Variants in ALDH3A2 observed in about 807,000 individuals in gnomAD.
ALDH3A2 encodes aldehyde dehydrogenase family 3 member A2.
ALDH3A2 carries 36 observed loss-of-function variants against 51.3 expected under a neutral mutation model. The ratio of observed to expected loss-of-function variants is 0.70; its 90% CI spans 0.54 to 0.93. The LOEUF is 0.93. ALDH3A2 is among the 40% of genes least tolerant of loss of function. The pLI, the probability that ALDH3A2 is intolerant of heterozygous loss-of-function variation, is 0.00. For missense variants in ALDH3A2, 552 were observed against 603.1 expected (o/e 0.92, Z 0.89); for synonymous variants, 199 against 219.8 (o/e 0.91, Z 0.84).
In ALDH3A2 at chr17:19,661,227, T is replaced by C; in HGVS notation, c.899T>C (p.Ile300Thr). ...CTAAGTTTGCTTGAAGGACAAAAGA[T>C]AGCTTTTGGTGGGGAGACTGATGAG... is the stretch of plus-strand genomic sequence containing the variant. ...RILSLLEGQK[I>T]AFGGETDEAT... Residue 300 changes from isoleucine (I) to threonine (T), a missense_variant, in exon 6 of 10, where the codon ATA (isoleucine) becomes ACA (threonine). Coordinates refer to ENST00000176643, the MANE Select transcript of ALDH3A2 (RefSeq NM_000382.3). 1 of 1,614,184 alleles carries C rather than the reference T, an allele frequency of 6.2e-7. No homozygotes were observed. Among genetic ancestry groups the C allele is most frequent in the African/African-American group, 1.3e-5 (1 of 75,052 alleles).
In ALDH3A2 at chr17:19,664,071, A is replaced by G. The variant is rs371230092; in HGVS notation, c.1107+572A>G. 1.7e-4 allele frequency among the ~76,000 whole-genome samples: 26 copies of G among 152,308 alleles called. No homozygotes were observed. In the East Asian group the frequency reaches 4.6e-3, roughly 27 times the overall value. On this transcript the variant is annotated intron_variant, in intron 7 of 9. Coordinates refer to ENST00000176643, the MANE Select transcript of ALDH3A2 (RefSeq NM_000382.3). Reference sequence around the variant, plus strand: ...GCCGCTACTAAGAGACCATGGCCCAAATGTTTTCTGGAGAGCTTCTGATGG... The same window carrying G: ...GCCGCTACTAAGAGACCATGGCCCAGATGTTTTCTGGAGAGCTTCTGATGG...
intron 8 of ALDH3A2, among the ~76,000 whole-genome samples, chr17:19,667,779 A>AC (rs2085059183): frequency 6.6e-6 from 1 of 152,116 alleles, no homozygotes; most frequent in East Asian, 1.9e-4. Flanking sequence ...GCCTGGTCTC[A>AC]AACTCCTGGG....
rs1209220960 is a variant in ALDH3A2, at chr17:19,654,322, G to A, written c.471+1690G>A. Among the ~76,000 whole-genome samples, 1 of 152,264 alleles carries A rather than the reference G, an allele frequency of 6.6e-6. No homozygotes were observed. On this transcript the variant is annotated intron_variant, in intron 3 of 9. Coordinates refer to ENST00000176643, the MANE Select transcript of ALDH3A2 (RefSeq NM_000382.3). This position sits in a 1 kb window ranked among gnomAD's most constrained non-coding sequence, Gnocchi z 4.5. ...CAGCGCTGCGCGCCTGCACCCCTCA[G>A]CCCTTGGGCGGTCGATGGGACTGGG...
At chr17:19,649,304 T>C (rs1013258056) in intron 1 of ALDH3A2, 180 bp downstream of exon 1, 3 of 757,222 alleles carry the variant, frequency 4.0e-6, no homozygotes, top group Non-Finnish European at 6.2e-6. Flanking sequence ...CCTCTAGCAC[T>C]CAGAAGGGCA....
At chr17:19,669,229 G>A (rs145421296) in intron 8 of ALDH3A2, among the ~76,000 whole-genome samples, 106 of 152,152 alleles carry the variant, frequency 7.0e-4, no homozygotes, top group African/African-American at 2.5e-3. Flanking sequence ...CTTGAACCTG[G>A]GAGGCGGAGG....
At chr17:19,662,701 G>A (rs1160311366) in intron 6 of ALDH3A2, among the ~76,000 whole-genome samples, 2 of 152,132 alleles carry the variant, frequency 1.3e-5, no homozygotes, top group Non-Finnish European at 2.9e-5. Context: ...TTATAATAAA[G>A]GTTAATGAGA....
At chr17:19,651,898 C>T (rs754356772) in intron 2 of ALDH3A2, 120 bp downstream of exon 2, 311 of 905,002 alleles carry the variant, frequency 3.4e-4, no homozygotes, top group Non-Finnish European at 4.9e-4. Context: ...TTTGTTTACA[C>T]CACCAGTGTA....
chr17:19,663,578 A>C (rs2084997439), intron 7 of ALDH3A2, 79 bp downstream of exon 7: 3 of 1,495,802 alleles, frequency 2.0e-6, no homozygotes, highest in Non-Finnish European at 2.8e-6. Flanking sequence ...AAACAATGCA[A>C]AAAACAATGT....
At chr17:19,673,317 A>G in intron 9 of ALDH3A2, 3 of 1,605,750 alleles carry the variant, frequency 1.9e-6, no homozygotes, top group South Asian at 1.1e-5. Flanking sequence ...AGGTGGGCCA[A>G]GTTGGGGTAT....
rs141512913 is a variant in ALDH3A2 at position 19,674,601 on chromosome 17, G to A, written c.1444-957G>A. On this transcript the variant is annotated intron_variant, in intron 9 of 9. Coordinates refer to ENST00000176643, the MANE Select transcript of ALDH3A2 (RefSeq NM_000382.3). ...GCTTGCTCATCTACAGGGTGAGGGA[G>A]TAGGTGTCAGTGATTCCCCAGGCCA... is the stretch of plus-strand genomic sequence containing the variant. 5.3e-5 allele frequency: 8 copies of A among 152,318 alleles called. No individual in the cohort carries two copies. The East Asian group carries it at 1.5e-3, about 29-fold the overall frequency. 9.4% of individuals were successfully genotyped at this position (152,318 alleles called of 1,614,324 possible). A position where few individuals can be genotyped will look rare whatever the true frequency, so the allele number is the denominator to read the frequency against.
At chr17:19,675,411 A>G in intron 9 of ALDH3A2, 147 bp from the exon 10 acceptor site, 1 of 819,246 alleles carries the variant, frequency 1.2e-6, no homozygotes, top group Admixed American at 2.0e-5. Context: ...CTTCCTAGGG[A>G]TATGTAGTCC....
At chr17:19,659,592 C>G (rs1488105580) in intron 5 of ALDH3A2, 6 of 152,362 alleles carry the variant, frequency 3.9e-5, no homozygotes, top group South Asian at 2.1e-4. Context: ...CTCCTGTAAT[C>G]CCAGCACTTT....
rs931011170 is a variant in ALDH3A2, at chr17:19,676,312, G to C, written c.*740G>C. The stretch of plus-strand genomic sequence containing the variant: ...CATGCAAGCATCACCTGTCATTCTT[G>C]TGTTGGAGTTATAGAATTCTACATC... On this transcript the variant is annotated 3_prime_UTR_variant, in exon 10 of 10. Coordinates refer to ENST00000176643, the MANE Select transcript of ALDH3A2 (RefSeq NM_000382.3). 2.6e-5 allele frequency: 4 copies of C among 152,222 alleles called. No homozygotes were observed. Among genetic ancestry groups the C allele is most frequent in the African/African-American group, 9.7e-5 (4 of 41,448 alleles). The allele number at this position is 152,222 out of a possible 1,614,324, so 9.4% of individuals were successfully genotyped here. A position where few individuals can be genotyped will look rare whatever the true frequency, so the allele number is the denominator to read the frequency against.
chr17:19,675,752 C>A lies in ALDH3A2; in HGVS notation c.*180C>A. 1.4e-6 allele frequency: 1 copy of A among 713,008 alleles called. No individual in the cohort carries two copies. The highest frequency in any genetic ancestry group is 2.4e-6 in the Non-Finnish European group (1 of 408,670). 44.2% of individuals were successfully genotyped at this position (713,008 alleles called of 1,614,324 possible). ...TAAAAGTTGCCATTTCAACTACGTC[C>A]CAACATTCCCTAATAGGGTATTCAG... On this transcript the variant is annotated 3_prime_UTR_variant, in exon 10 of 10. Transcript: ENST00000176643.
chr17:19,673,055 C>G, intron 9 of ALDH3A2: 1 of 1,539,430 alleles, frequency 6.5e-7, no homozygotes, highest in Non-Finnish European at 9.0e-7. Context: ...ACAACAACAA[C>G]AAAAATTTGA....
chr17:19,667,530 T>C (rs1372862361), intron 8 of ALDH3A2, among the ~76,000 whole-genome samples: 1 of 152,200 alleles, frequency 6.6e-6, no homozygotes, highest in East Asian at 1.9e-4. Flanking sequence ...TTAAACTTTT[T>C]AATATTTTGG....
At chr17:19,658,724 G>A (rs1194873950) in intron 5 of ALDH3A2, among the ~76,000 whole-genome samples, 1 of 149,846 alleles carries the variant, frequency 6.7e-6, no homozygotes, top group East Asian at 2.0e-4. Flanking sequence ...CTCCAGCCTG[G>A]GCGACAGAGC....
chr17:19,662,031 C>T (rs931380060), intron 6 of ALDH3A2: 4 of 151,980 alleles, frequency 2.6e-5, no homozygotes, highest in African/African-American at 9.7e-5. Flanking sequence ...CAAAAGAAAA[C>T]AATCCTTGTG....
chr17:19,672,256 A>G (rs1347089400), intron 9 of ALDH3A2: 2 of 456,294 alleles, frequency 4.4e-6, no homozygotes, highest in Non-Finnish European at 8.0e-6. Flanking sequence ...CTCTGGTCTA[A>G]GAGATTAAAA....
Sources: allele counts gnomAD v4.1 joint callset (sites outside exome capture counted in the v4.1 genomes callset), GRCh38; gene constraint gnomAD v4.1.1; non-coding constraint Gnocchi (gnomAD v3.1); transcripts MANE v1.5; gene names NCBI Gene and HGNC (gene_info 2026-07-23, HGNC 2026-07-21).